The following CA10 variants were observed in gnomAD, a reference collection of about 807,000 sequenced individuals.
The protein encoded by CA10 is carbonic anhydrase-related protein 10.
A neutral mutation model predicts 44.2 loss-of-function variants in CA10; 14 were observed. The observed-to-expected ratio is 0.32, with a 90% CI of 0.21 to 0.50. The LOEUF (loss-of-function observed/expected upper bound fraction) is 0.50, where lower values mean the gene tolerates loss of function less well. Among genes scored for constraint, CA10 ranks in the 20% least tolerant of loss-of-function variants. CA10 has a pLI of 0.99. For synonymous variants in CA10, 159 were observed against 141.6 expected (o/e 1.12, Z -0.87); for missense variants, 350 against 409.7 (o/e 0.85, Z 1.26).
At chr17:51,641,165 TCCTCTC>T (rs1567785238) in intron 6 of CA10, among the ~76,000 whole-genome samples, 2 of 147,574 alleles carry the variant, frequency 1.4e-5, no homozygotes, top group Non-Finnish European at 1.5e-5. Context: ...TCTCTCTCTC[TCCTCTC>T]TCTCTCTCTC....
intron 3 of CA10, among the ~76,000 whole-genome samples, chr17:51,836,669 A>G (rs1908488854): frequency 6.6e-6 from 1 of 152,242 alleles, no homozygotes; most frequent in African/African-American, 2.4e-5. Context: ...TGCCGAGGCC[A>G]AGTGATTTGG....
intron 4 of CA10, among the ~76,000 whole-genome samples, chr17:51,708,674 C>G (rs765602832): frequency 1.3e-5 from 2 of 152,154 alleles, no homozygotes; most frequent in African/African-American, 4.8e-5. Context: ...GAAGGAGACC[C>G]ACCCTCAATA....
At chr17:51,825,301 CCTT>C (rs761758570) in intron 3 of CA10, among the ~76,000 whole-genome samples, 49 of 149,958 alleles carry the variant, frequency 3.3e-4, no homozygotes, top group Non-Finnish European at 1.0e-4. Flanking sequence ...ATGCTTTTTT[CCTT>C]CTTTTTTTTT....
chr17:51,947,035 G>A (rs1983303995), intron 2 of CA10, among the ~76,000 whole-genome samples: 1 of 151,986 alleles, frequency 6.6e-6, no homozygotes, highest in Non-Finnish European at 1.5e-5. Context: ...GATAAGCAGA[G>A]AGAAAAACAG....
chr17:51,981,428 T>C (rs764647419), intron 2 of CA10, among the ~76,000 whole-genome samples: 1 of 151,916 alleles, frequency 6.6e-6, no homozygotes, highest in Non-Finnish European at 1.5e-5. Flanking sequence ...AGAAAAAGAA[T>C]ACATATTAAA....
intron 2 of CA10, among the ~76,000 whole-genome samples, chr17:52,038,483 G>T (rs891307593): frequency 2.6e-5 from 4 of 152,038 alleles, no homozygotes; most frequent in African/African-American, 9.7e-5. Flanking sequence ...TTTGGAATTA[G>T]AATACAGAAG....
intron 2 of CA10, among the ~76,000 whole-genome samples, chr17:52,045,821 G>A (rs552623210): frequency 7.2e-5 from 11 of 152,034 alleles, no homozygotes; most frequent in African/African-American, 2.2e-4. Flanking sequence ...TCAAGTGCAC[G>A]TGGCATGTTT....
intron 3 of CA10, among the ~76,000 whole-genome samples, chr17:51,798,246 G>C (rs1906791671): frequency 6.6e-6 from 1 of 152,172 alleles, no homozygotes. Flanking sequence ...TAGAAGCTCA[G>C]GTTCCTTCTA....
At chr17:52,003,105 T>C (rs900069497) in intron 2 of CA10, among the ~76,000 whole-genome samples, 1 of 152,000 alleles carries the variant, frequency 6.6e-6, no homozygotes, top group African/African-American at 2.4e-5. Flanking sequence ...GGTTATACGA[T>C]GGGCCTGTCA....
At chr17:52,083,238 A>C (rs1005213860) in intron 1 of CA10, among the ~76,000 whole-genome samples, 28 of 151,348 alleles carry the variant, frequency 1.9e-4, no homozygotes, top group African/African-American at 6.6e-4. Context: ...ATCTCCTTGT[A>C]TCTCTCTTAA....
intron 2 of CA10, among the ~76,000 whole-genome samples, chr17:52,030,947 C>A (rs1445223960): frequency 1.3e-5 from 2 of 152,068 alleles, no homozygotes; most frequent in Non-Finnish European, 2.9e-5. Context: ...CTACTGGCAT[C>A]CCAGGGTATC....
At position 51,748,815 on chromosome 17, in the gene CA10, G is replaced by A. The variant is rs537741760; in HGVS notation, c.280-997C>T. On this transcript the variant is annotated intron_variant, in intron 3 of 8. Transcript: ENST00000451037. The stretch of plus-strand genomic sequence containing the variant: ...TTCATTAGATGTGGTTTTCATATAT[G>A]TGCTCTATAGCACTATCTTTTACCT... Among the ~76,000 whole-genome samples the A allele has an allele frequency of 2.6e-5, 4 of 152,278 alleles. No homozygotes were observed. In the South Asian group the frequency reaches 6.2e-4, roughly 24 times the overall value.
intron 5 of CA10, among the ~76,000 whole-genome samples, chr17:51,653,182 G>A (rs993109017): frequency 6.6e-6 from 1 of 152,172 alleles, no homozygotes; most frequent in Non-Finnish European, 1.5e-5. Flanking sequence ...CAGAGCAATT[G>A]TGAGGAAGCT....
At chr17:51,692,236 G>GT (rs34052168) in intron 4 of CA10, among the ~76,000 whole-genome samples, 22,687 of 127,928 alleles carry the variant, frequency 0.18, 2,187 homozygotes, top group South Asian at 0.26. Flanking sequence ...TATTCTTAGG[G>GT]TTTTTTTTTT....
intron 3 of CA10, among the ~76,000 whole-genome samples, chr17:51,772,708 A>T (rs1905658091): frequency 6.6e-6 from 1 of 152,148 alleles, no homozygotes; most frequent in Non-Finnish European, 1.5e-5. Context: ...ACAGTTATGT[A>T]ACTTAATTGT....
chr17:52,131,117 A>T (rs1001790952), intron 1 of CA10, among the ~76,000 whole-genome samples: 5 of 150,938 alleles, frequency 3.3e-5, no homozygotes, highest in African/African-American at 1.2e-4. Context: ...ATTTTTTTTT[A>T]GACTATAAAC....
intron 2 of CA10, among the ~76,000 whole-genome samples, chr17:51,977,764 T>C (rs533047706): frequency 2.0e-5 from 3 of 152,234 alleles, no homozygotes; most frequent in South Asian, 2.1e-4. Context: ...GACACTGTGA[T>C]TGTGAACACA....
At chr17:51,946,581 T>C (rs1173467114) in intron 2 of CA10, among the ~76,000 whole-genome samples, 1 of 152,076 alleles carries the variant, frequency 6.6e-6, no homozygotes, top group Non-Finnish European at 1.5e-5. Flanking sequence ...TCCTGGTGCT[T>C]TCCTTTCTCC....
chr17:51,827,353 C>CAT (rs1491335431), intron 3 of CA10, among the ~76,000 whole-genome samples: 1 of 149,802 alleles, frequency 6.7e-6, no homozygotes, highest in Non-Finnish European at 1.5e-5. Flanking sequence ...CACACACACA[C>CAT]ATACACACAC....
Sources: allele counts gnomAD v4.1 joint callset (sites outside exome capture counted in the v4.1 genomes callset), GRCh38; gene constraint gnomAD v4.1.1; transcripts MANE v1.5; gene names NCBI Gene and HGNC (gene_info 2026-07-23, HGNC 2026-07-21).